The following KIAA1328 variants were observed in gnomAD, a reference collection of about 807,000 sequenced individuals.
KIAA1328 encodes KIAA1328.
KIAA1328 carries 52 observed loss-of-function variants against 68.1 expected under a neutral mutation model. The ratio of observed to expected loss-of-function variants is 0.76; its 90% CI spans 0.61 to 0.96. The LOEUF is 0.96. Among genes scored for constraint, KIAA1328 ranks in the 40% least tolerant of loss-of-function variants. The pLI, the probability that KIAA1328 is intolerant of heterozygous loss-of-function variation, is 0.00. For synonymous variants in KIAA1328, 232 were observed against 239.4 expected, an observed-to-expected ratio of 0.97 and a Z score of 0.28; for missense variants, 641 against 677.6, an observed-to-expected ratio of 0.95 and a Z score of 0.60.
chr18:36,924,944 T>C (rs1272119616), intron 5 of KIAA1328: 3 of 152,186 alleles, frequency 2.0e-5, no homozygotes, highest in Non-Finnish European at 4.4e-5. Flanking sequence ...AAGTGTAGTA[T>C]CCTGAAACAC....
At chr18:37,060,344 A>G (rs1286994182) in intron 6 of KIAA1328, among the ~76,000 whole-genome samples, 1 of 152,188 alleles carries the variant, frequency 6.6e-6, no homozygotes, top group East Asian at 1.9e-4. Flanking sequence ...GTTTTCACCA[A>G]GCACTTCACA....
intron 7 of KIAA1328, among the ~76,000 whole-genome samples, chr18:37,150,964 T>C (rs2059016284): frequency 6.6e-6 from 1 of 152,154 alleles, no homozygotes; most frequent in African/African-American, 2.4e-5. Context: ...TCTGGTGTGA[T>C]CAGGCATGAA....
At chr18:36,979,546 T>A (rs2052602243) in intron 6 of KIAA1328, among the ~76,000 whole-genome samples, 1 of 152,048 alleles carries the variant, frequency 6.6e-6, no homozygotes, top group Admixed American at 6.5e-5. Context: ...AAAAACAGAA[T>A]AAAGGCTGGT....
At chr18:36,906,069 A>T (rs1230873486) in intron 5 of KIAA1328, among the ~76,000 whole-genome samples, 2 of 152,170 alleles carry the variant, frequency 1.3e-5, no homozygotes, top group African/African-American at 4.8e-5. Flanking sequence ...TAGTCTTACT[A>T]TCACCATTCA....
At chr18:36,831,599 A>T (rs1480159573) in intron 1 of KIAA1328, among the ~76,000 whole-genome samples, 1 of 152,226 alleles carries the variant, frequency 6.6e-6, no homozygotes, top group East Asian at 1.9e-4. Context: ...ACTTGATATT[A>T]AAAAATATGA....
chr18:36,900,526 A>G (rs1269730423), intron 5 of KIAA1328, among the ~76,000 whole-genome samples: 7 of 152,134 alleles, frequency 4.6e-5, no homozygotes, highest in Admixed American at 2.6e-4. Context: ...GTTTAAGAGC[A>G]TACTAAATCA....
intron 5 of KIAA1328, among the ~76,000 whole-genome samples, chr18:36,889,847 T>G (rs1214703822): frequency 6.6e-6 from 1 of 152,196 alleles, no homozygotes; most frequent in Non-Finnish European, 1.5e-5. Flanking sequence ...TTCATTAGAT[T>G]ATGCAAGGGT....
intron 7 of KIAA1328, among the ~76,000 whole-genome samples, chr18:37,115,312 C>T (rs551621897): frequency 6.6e-6 from 1 of 152,272 alleles, no homozygotes; most frequent in African/African-American, 2.4e-5. Context: ...AAAGCTTATC[C>T]ACCATGATCA....
chr18:37,213,222 A>G (rs1568540741), intron 9 of KIAA1328, among the ~76,000 whole-genome samples: 1 of 152,180 alleles, frequency 6.6e-6, no homozygotes, highest in Non-Finnish European at 1.5e-5. Context: ...ATATGTATAC[A>G]TGTGCTGTGT....
At chr18:37,092,329 G>A (rs147052780) in intron 7 of KIAA1328, among the ~76,000 whole-genome samples, 59 of 152,024 alleles carry the variant, frequency 3.9e-4, no homozygotes, top group East Asian at 3.7e-3. Context: ...ATCTACCACC[G>A]TTGCCAGAGG....
chr18:36,965,176 T>G (rs894758903), intron 6 of KIAA1328, among the ~76,000 whole-genome samples: 4 of 152,122 alleles, frequency 2.6e-5, no homozygotes, highest in African/African-American at 9.7e-5. Flanking sequence ...TTTATTTCCT[T>G]AAAATTGGTA....
In KIAA1328 at chr18:37,224,984, A is replaced by G; in HGVS notation, c.*2757A>G. ...TTTTGCTAACAGTCCGCTTTCCAGG[A>G]GGCAAACTTGTGTTTATCCAAACCT... On this transcript the variant is annotated 3_prime_UTR_variant, in exon 10 of 10. Coordinates refer to ENST00000280020, the MANE Select transcript of KIAA1328 (RefSeq NM_020776.3). The G allele has an allele frequency of 1.0e-6, 1 of 985,482 alleles. No homozygotes were observed. Among genetic ancestry groups the G allele is most frequent in the Non-Finnish European group, 1.2e-6 (1 of 829,948 alleles). The allele number at this position is 985,482 out of a possible 1,614,324, so 61.0% of individuals were successfully genotyped here. A position where few individuals can be genotyped will look rare whatever the true frequency, so the allele number is the denominator to read the frequency against.
intron 6 of KIAA1328, among the ~76,000 whole-genome samples, chr18:37,026,094 A>C (rs2901858): frequency 0.6 from 90,631 of 152,020 alleles, 28,867 homozygotes; most frequent in East Asian, 0.87. Context: ...ACTATAAACA[A>C]CTGTATGCAA....
At chr18:37,025,191 C>T (rs1207314993) in intron 6 of KIAA1328, among the ~76,000 whole-genome samples, 1 of 152,072 alleles carries the variant, frequency 6.6e-6, no homozygotes, top group Non-Finnish European at 1.5e-5. Flanking sequence ...AATATATATG[C>T]ACCCAATACA....
chr18:36,869,399 C>T (rs532683274), intron 4 of KIAA1328, among the ~76,000 whole-genome samples: 1 of 152,080 alleles, frequency 6.6e-6, no homozygotes, highest in African/African-American at 2.4e-5. Context: ...TGGATAATTT[C>T]CTGTGACCTT....
At chr18:36,876,667 C>T (rs572867308) in intron 4 of KIAA1328, among the ~76,000 whole-genome samples, 1 of 152,188 alleles carries the variant, frequency 6.6e-6, no homozygotes, top group Non-Finnish European at 1.5e-5. Flanking sequence ...TTTCATGTCT[C>T]TTATCTCCTT....
intron 7 of KIAA1328, among the ~76,000 whole-genome samples, chr18:37,078,052 G>C (rs1475032177): frequency 6.6e-6 from 1 of 152,178 alleles, no homozygotes; most frequent in East Asian, 1.9e-4. Context: ...CAAAGCTGGA[G>C]GCATCATGCT....
chr18:37,194,243 G>A (rs1479685665), intron 9 of KIAA1328, among the ~76,000 whole-genome samples: 1 of 152,178 alleles, frequency 6.6e-6, no homozygotes, highest in African/African-American at 2.4e-5. Flanking sequence ...ATTTGAAAGT[G>A]TCTATTTTCT....
At chr18:36,956,706 G>A (rs922419771) in intron 5 of KIAA1328, among the ~76,000 whole-genome samples, 2 of 152,072 alleles carry the variant, frequency 1.3e-5, no homozygotes, top group Admixed American at 1.3e-4. Context: ...CTATATAATT[G>A]TGCTTGATTT....
Sources: gnomAD v4.1 joint callset for allele counts (sites outside exome capture counted in the v4.1 genomes callset) on GRCh38, gnomAD v4.1.1 for gene constraint, MANE v1.5 for transcripts, NCBI Gene and HGNC (gene_info 2026-07-23, HGNC 2026-07-21) for gene names.